The following RNF24 variants were observed in gnomAD, a reference collection of about 807,000 sequenced individuals.
RNF24 encodes ring finger protein 24.
Under a neutral mutation model 20.0 loss-of-function variants are expected in RNF24, and 14 were observed. That is an observed-to-expected ratio of 0.70 (90% CI 0.46 to 1.10). The LOEUF (loss-of-function observed/expected upper bound fraction) is 1.10. Among genes scored for constraint, RNF24 ranks in the 50% least tolerant of loss-of-function variants. The probability of loss-of-function intolerance (pLI) is 0.00; values close to 1 mark genes in which losing one functional copy is unlikely to be tolerated. For missense variants in RNF24, 124 were observed against 177.6 expected (o/e 0.70, Z 1.71); for synonymous variants, 45 against 61.1 (o/e 0.74, Z 1.23).
At chr20:3,996,003 T>C (rs1361202011) in intron 1 of RNF24, among the ~76,000 whole-genome samples, 3 of 152,246 alleles carry the variant, frequency 2.0e-5, no homozygotes, top group African/African-American at 7.2e-5. Context: ...GCTATTATTC[T>C]GGTTTTATAG....
intron 2 of RNF24, among the ~76,000 whole-genome samples, chr20:3,962,555 A>C (rs2091213742): frequency 6.6e-6 from 1 of 152,074 alleles, no homozygotes. Flanking sequence ...GGTGTTTACA[A>C]TTACAAACAC....
At chr20:3,952,061 G>A (rs1243765063) in intron 2 of RNF24, among the ~76,000 whole-genome samples, 1 of 151,810 alleles carries the variant, frequency 6.6e-6, no homozygotes, top group Non-Finnish European at 1.5e-5. Flanking sequence ...TTGGGGTCTG[G>A]TAGCAAAAGT....
intron 1 of RNF24, among the ~76,000 whole-genome samples, chr20:4,014,229 T>C (rs1244860145): frequency 6.6e-6 from 1 of 152,048 alleles, no homozygotes; most frequent in African/African-American, 2.4e-5. Context: ...GCCAGGGTAA[T>C]ATGCAATAAA....
intron 1 of RNF24, among the ~76,000 whole-genome samples, chr20:3,978,050 C>CACTACGAA (rs1568644998): frequency 1.3e-5 from 2 of 151,946 alleles, no homozygotes; most frequent in South Asian, 4.2e-4. Flanking sequence ...GTATTCCAAA[C>CACTACGAA]ACTACGAAAT....
intron 2 of RNF24, among the ~76,000 whole-genome samples, chr20:3,950,608 T>C (rs769674282): frequency 6.6e-6 from 1 of 152,242 alleles, no homozygotes; most frequent in Non-Finnish European, 1.5e-5. Flanking sequence ...AAGCAACCAA[T>C]GTACCTTGTG....
At chr20:3,935,105 G>A (rs756615090) in intron 4 of RNF24, 32 bp from the exon 5 acceptor site, 58 of 1,589,872 alleles carry the variant, frequency 3.6e-5, no homozygotes, top group Non-Finnish European at 3.4e-5. Flanking sequence ...GAAGCCAAGT[G>A]TCTGTTAAGT....
intron 4 of RNF24, among the ~76,000 whole-genome samples, chr20:3,943,738 A>C (rs931112526): frequency 6.6e-6 from 1 of 152,200 alleles, no homozygotes; most frequent in African/African-American, 2.4e-5. Flanking sequence ...ATTCAGGACA[A>C]AGTTTCTAAA....
intron 1 of RNF24, among the ~76,000 whole-genome samples, chr20:3,968,439 C>T (rs1009655761): frequency 2.0e-5 from 3 of 152,084 alleles, no homozygotes; most frequent in African/African-American, 7.2e-5. Flanking sequence ...GGAGACCCCA[C>T]CTGTACAAAT....
intron 1 of RNF24, among the ~76,000 whole-genome samples, chr20:3,988,457 CTTTTT>C (rs71195876): frequency 1.0e-5 from 1 of 99,668 alleles, no homozygotes; most frequent in Admixed American, 9.9e-5. Flanking sequence ...AAAAGAAACT[CTTTTT>C]TTTTTTTTTT....
chr20:3,929,852 G>A lies in RNF24; in HGVS notation c.*4211C>T, dbSNP rs1461750245. On this transcript the variant is annotated 3_prime_UTR_variant, in exon 6 of 6. Coordinates refer to ENST00000358395, the MANE Select transcript of RNF24 (RefSeq NM_001134337.3). ...ATTTGTACAGAAAACTAAAATTTCA[G>A]TATGTTGCAATAAAATGAAAATATG... 1 of 152,240 alleles carries A rather than the reference G, an allele frequency of 6.6e-6. No homozygotes were observed. The highest frequency in any genetic ancestry group is 2.4e-5 in the African/African-American group (1 of 41,460). 9.4% of individuals were successfully genotyped at this position (152,240 alleles called of 1,614,324 possible).
At chr20:3,952,954 T>C (rs1165965288) in intron 2 of RNF24, among the ~76,000 whole-genome samples, 4 of 152,204 alleles carry the variant, frequency 2.6e-5, no homozygotes, top group African/African-American at 9.7e-5. Context: ...GATCGGTCTA[T>C]AATTTCCTTT....
chr20:4,008,495 A>AT (rs1367940793), intron 1 of RNF24, among the ~76,000 whole-genome samples: 2 of 89,886 alleles, frequency 2.2e-5, no homozygotes, highest in Non-Finnish European at 4.3e-5. Flanking sequence ...ATAATATAAT[A>AT]TATATATTAT....
intron 1 of RNF24, chr20:3,974,335 C>G (rs138600163): frequency 1.2e-5 from 19 of 1,550,824 alleles, no homozygotes; most frequent in Admixed American, 9.8e-5. Flanking sequence ...TACTTACCCC[C>G]CTAAGACCGG....
chr20:3,936,418 TG>T (rs1226333635), intron 4 of RNF24, among the ~76,000 whole-genome samples: 1 of 152,138 alleles, frequency 6.6e-6, no homozygotes, highest in Non-Finnish European at 1.5e-5. Context: ...CAGCTCAGCT[TG>T]GGGGGTAGGG....
chr20:4,003,179 C>A (rs1239322577), intron 1 of RNF24, among the ~76,000 whole-genome samples: 1 of 152,178 alleles, frequency 6.6e-6, no homozygotes, highest in East Asian at 1.9e-4. Flanking sequence ...CCATCTGGGA[C>A]AGGCTGGTCT....
At position 3,932,947 on chromosome 20, in the gene RNF24, C is replaced by A; in HGVS notation, c.*1116G>T. ...GTCCAAATACTGAGGCACACACCAACGGTGGACAGCCCTGCAGGAGCTTCC... is the reference window on the plus strand; with the variant it reads ...GTCCAAATACTGAGGCACACACCAAAGGTGGACAGCCCTGCAGGAGCTTCC... On this transcript the variant is annotated 3_prime_UTR_variant, in exon 6 of 6. Coordinates refer to ENST00000358395, the MANE Select transcript of RNF24 (RefSeq NM_001134337.3). 1 of 398,516 alleles carries A rather than the reference C, an allele frequency of 2.5e-6. No homozygotes were observed. Among genetic ancestry groups the A allele is most frequent in the East Asian group, 3.6e-5 (1 of 28,086 alleles). 24.7% of individuals were successfully genotyped at this position (398,516 alleles called of 1,614,324 possible). A position where few individuals can be genotyped will look rare whatever the true frequency, so the allele number is the denominator to read the frequency against.
At position 3,934,247 on chromosome 20, in the gene RNF24, A is replaced by G. The variant is rs1216023430; in HGVS notation, c.309-46T>C. On this transcript the variant is annotated intron_variant, in intron 5 of 5. Coordinates refer to ENST00000358395, the MANE Select transcript of RNF24 (RefSeq NM_001134337.3). The surrounding 1 kb of genome is among the most constrained non-coding windows in gnomAD (Gnocchi z 4.0). ...GGGGGAAGATGTCAGTCCTATGCTC[A>G]TGGCACGGCTGTTCTGCTGAACATC... 6.4e-7 allele frequency: 1 copy of G among 1,574,212 alleles called. No homozygotes were observed.
chr20:3,994,023 T>C (rs536018734), intron 1 of RNF24, among the ~76,000 whole-genome samples: 2 of 152,332 alleles, frequency 1.3e-5, no homozygotes, highest in South Asian at 2.1e-4. Flanking sequence ...TAATATTCTT[T>C]TTCTGTTCTA....
chr20:3,969,703 T>G (rs749188307), intron 1 of RNF24, among the ~76,000 whole-genome samples: 1 of 151,678 alleles, frequency 6.6e-6, no homozygotes, highest in Admixed American at 6.6e-5. Context: ...CTTGCCAGGA[T>G]GTAACGAGAT....
Sources: gnomAD v4.1 joint callset for allele counts (sites outside exome capture counted in the v4.1 genomes callset) on GRCh38, gnomAD v4.1.1 for gene constraint, Gnocchi (gnomAD v3.1) non-coding constraint, MANE v1.5 for transcripts, NCBI Gene and HGNC (gene_info 2026-07-23, HGNC 2026-07-21) for gene names.